EXD2: variants seen among roughly 807,000 people sequenced by gnomAD.
The protein encoded by EXD2 is exonuclease 3'-5' domain-containing protein 2.
In EXD2, 40 loss-of-function variants were observed where a neutral mutation model predicts 62.5. The ratio of observed to expected loss-of-function variants is 0.64; its 90% CI spans 0.50 to 0.83. The LOEUF is 0.83. Among genes scored for constraint, EXD2 ranks in the 40% least tolerant of loss-of-function variants. The probability of loss-of-function intolerance (pLI) is 0.00; values close to 1 mark genes in which losing one functional copy is unlikely to be tolerated. For synonymous variants in EXD2, 239 were observed against 291.9 expected (o/e 0.82, Z 1.85); for missense variants, 671 against 761.8 (o/e 0.88, Z 1.40).
intron 3 of EXD2, among the ~76,000 whole-genome samples, chr14:69,212,122 TC>T (rs2140243281): frequency 6.6e-6 from 1 of 152,276 alleles, no homozygotes; most frequent in Admixed American, 6.5e-5. Context: ...ACGCCTGTAA[TC>T]CTAGCACTTT....
chr14:69,192,084 C>T (rs2042048681), intron 1 of EXD2: 1 of 152,248 alleles, frequency 6.6e-6, no homozygotes, highest in African/African-American at 2.4e-5. Context: ...CCAGACCACA[C>T]CCTGCTCTGG....
Position 69,241,957 on chromosome 14 carries a change from A to AGTATCAGTTCCCCT in EXD2, c.*862_*875dup. 2.5e-6 allele frequency: 1 copy of AGTATCAGTTCCCCT among 398,726 alleles called. No individual in the cohort carries two copies. The highest frequency in any genetic ancestry group is 4.4e-6 in the Non-Finnish European group (1 of 226,070). The allele number at this position is 398,726 out of a possible 1,614,324, so 24.7% of individuals were successfully genotyped here. A position where few individuals can be genotyped will look rare whatever the true frequency, so the allele number is the denominator to read the frequency against. On this transcript the variant is annotated 3_prime_UTR_variant, in exon 10 of 10. Coordinates refer to ENST00000685843, the MANE Select transcript of EXD2 (RefSeq NM_001193360.2). ...AGTAATGTTATCTTTTATCAGAATC[A>AGTATCAGTTCCCCT]GTATCAGTTCCCCTGTATTCTGTGC...
At chr14:69,218,456 A>C (rs2043058513) in intron 3 of EXD2, among the ~76,000 whole-genome samples, 1 of 151,988 alleles carries the variant, frequency 6.6e-6, no homozygotes, top group Non-Finnish European at 1.5e-5. Context: ...AGATTGCAAA[A>C]ATTTTCTCCC....
chr14:69,211,518 AC>A (rs770121458), intron 3 of EXD2, among the ~76,000 whole-genome samples: 4 of 149,882 alleles, frequency 2.7e-5, no homozygotes. Context: ...AAAAGAGAAC[AC>A]CTGACAGTGT....
At chr14:69,228,727 GTACCTC>G in intron 3 of EXD2, 83 bp from the exon 4 acceptor site, 1 of 1,497,106 alleles carries the variant, frequency 6.7e-7, no homozygotes. Flanking sequence ...AGTTAAGGAT[GTACCTC>G]TTAGACTTTT....
intron 3 of EXD2, among the ~76,000 whole-genome samples, chr14:69,216,859 A>C (rs1176332715): frequency 6.6e-6 from 1 of 152,154 alleles, no homozygotes; most frequent in Non-Finnish European, 1.5e-5. Context: ...CTTAACATAC[A>C]CTATCTTTGC....
chr14:69,233,004 GT>G (rs1285646197), intron 5 of EXD2, among the ~76,000 whole-genome samples: 1 of 152,140 alleles, frequency 6.6e-6, no homozygotes, highest in Non-Finnish European at 1.5e-5. Context: ...AAGTCATATA[GT>G]TTTAGCTCTT....
intron 1 of EXD2, among the ~76,000 whole-genome samples, chr14:69,198,966 G>C (rs1294210211): frequency 6.6e-6 from 1 of 152,344 alleles, no homozygotes; most frequent in South Asian, 2.1e-4. Context: ...ACAGTGGGCC[G>C]GGCATGGAGG....
At chr14:69,193,339 G>A (rs113809755) in intron 1 of EXD2, among the ~76,000 whole-genome samples, 28 of 152,278 alleles carry the variant, frequency 1.8e-4, no homozygotes, top group African/African-American at 6.7e-4. Flanking sequence ...GATTACAGGC[G>A]TGAGCCACCG....
At chr14:69,220,581 C>G (rs1242082797) in intron 3 of EXD2, among the ~76,000 whole-genome samples, 2 of 136,586 alleles carry the variant, frequency 1.5e-5, no homozygotes, top group African/African-American at 5.4e-5. Flanking sequence ...TTTAAAGAGA[C>G]AGAGTTGGGC....
At chr14:69,201,526 G>C (rs1295501612) in intron 1 of EXD2, among the ~76,000 whole-genome samples, 1 of 151,872 alleles carries the variant, frequency 6.6e-6, no homozygotes, top group African/African-American at 2.4e-5. Flanking sequence ...CCTATCCTGT[G>C]GTGCTTCCTG....
chr14:69,217,009 C>T lies in EXD2; in HGVS notation c.333+7206C>T, dbSNP rs1247233727. The stretch of plus-strand genomic sequence containing the variant: ...TCATCCTCCTCTCCTCCCAACCATC[C>T]TGGCCTGTGGTAAACACTATTCTAC... On this transcript the variant is annotated intron_variant, in intron 3 of 9. Transcript: ENST00000685843. 3.9e-5 allele frequency among the ~76,000 whole-genome samples: 6 copies of T among 152,204 alleles called. No individual in the cohort carries two copies. The East Asian group carries it at 1.2e-3, about 29-fold the overall frequency.
chr14:69,197,052 T>C (rs1405984596), intron 1 of EXD2, among the ~76,000 whole-genome samples: 1 of 152,170 alleles, frequency 6.6e-6, no homozygotes, highest in Non-Finnish European at 1.5e-5. Context: ...TTGTATACCC[T>C]CTATCAGGAA....
At chr14:69,228,782 G>A (rs761811950) in intron 3 of EXD2, 34 bp from the exon 4 acceptor site, 2 of 1,588,152 alleles carry the variant, frequency 1.3e-6, no homozygotes, top group Non-Finnish European at 1.7e-6. Context: ...CTGTGCTCAG[G>A]TGTGAACCAC....
At chr14:69,206,455 C>CTTTTTTTTTTTTTT (rs56333403) in intron 2 of EXD2, among the ~76,000 whole-genome samples, 2 of 94,668 alleles carry the variant, frequency 2.1e-5, no homozygotes, top group African/African-American at 9.0e-5. Context: ...CACCCACCCA[C>CTTTTTTTTTTTTTT]TTTTTTTTTT....
chr14:69,204,030 C>T (rs970599900), intron 2 of EXD2, 30 bp downstream of exon 2: 11 of 152,258 alleles, frequency 7.2e-5, no homozygotes, highest in East Asian at 3.9e-4. Flanking sequence ...TTTAAGCCTA[C>T]GCTATTTGAT....
chr14:69,234,787 G>GA lies in EXD2; in HGVS notation c.812dup (p.Asn271LysfsTer3). ...CCCTTTCTCTAGGAATTCACCTGGA[G>GA]AAAAAAACGATGACCACAGTAGCTG... is the stretch of plus-strand genomic sequence containing the variant. On this transcript the variant is annotated frameshift_variant, in exon 6 of 10. Coordinates refer to ENST00000685843, the MANE Select transcript of EXD2 (RefSeq NM_001193360.2). LOFTEE classifies it high-confidence loss of function. 3 of 1,614,060 alleles carry GA rather than the reference G, an allele frequency of 1.9e-6. No individual in the cohort carries two copies. Among genetic ancestry groups the GA allele is most frequent in the South Asian group, 1.1e-5 (1 of 91,072 alleles).
At chr14:69,218,660 T>C (rs1448724716) in intron 3 of EXD2, among the ~76,000 whole-genome samples, 1 of 152,248 alleles carries the variant, frequency 6.6e-6, no homozygotes. Flanking sequence ...TTTAAGTCTT[T>C]AATCCATCTT....
chr14:69,237,918 A>G lies in EXD2; in HGVS notation c.1636A>G (p.Ser546Gly), dbSNP rs1449407231. Reference sequence around the variant, plus strand: ...AGAGGAGATGCTTCAAGAGGCTGCCAGCCTGGAGACCAGGTACAAAGCACA... The same window carrying G: ...AGAGGAGATGCTTCAAGAGGCTGCCGGCCTGGAGACCAGGTACAAAGCACA... The part of the protein sequence containing the change: ...VTEEMLQEAA[S>G]LETRISNENY... The change falls in exon 9 of 10, where the codon AGC (serine) becomes GGC (glycine). Residue 546 changes from serine (S) to glycine (G), a missense_variant. Transcript: ENST00000685843. 1.3e-6 allele frequency: 2 copies of G among 1,561,238 alleles called. No homozygotes were observed. The highest frequency in any genetic ancestry group is 1.7e-6 in the Non-Finnish European group (2 of 1,156,610).
Sources: gnomAD v4.1 joint callset for allele counts (sites outside exome capture counted in the v4.1 genomes callset) on GRCh38, gnomAD v4.1.1 for gene constraint, MANE v1.5 for transcripts, NCBI Gene and HGNC (gene_info 2026-07-23, HGNC 2026-07-21) for gene names.